NBEAL1: variants seen among roughly 807,000 people sequenced by gnomAD.
The protein encoded by NBEAL1 is neurobeachin-like protein 1.
NBEAL1 carries 273 observed loss-of-function variants against 351.3 expected under a neutral mutation model. The observed-to-expected ratio is 0.78, with a 90% CI of 0.70 to 0.86. NBEAL1 has a LOEUF of 0.86. NBEAL1 is among the 40% of genes least tolerant of loss of function. NBEAL1 has a pLI of 0.00. For missense variants in NBEAL1, 2,961 were observed against 3,201.3 expected, an observed-to-expected ratio of 0.92 and a Z score of 1.81; for synonymous variants, 1,050 against 1,086.4, an observed-to-expected ratio of 0.97 and a Z score of 0.66.
At chr2:203,194,164 T>C (rs2065173272) in intron 47 of NBEAL1, among the ~76,000 whole-genome samples, 1 of 152,164 alleles carries the variant, frequency 6.6e-6, no homozygotes, top group Non-Finnish European at 1.5e-5. Context: ...GAAGAATAAA[T>C]AATTTGACTT....
chr2:203,204,877 C>T (rs990020687), intron 51 of NBEAL1, among the ~76,000 whole-genome samples: 2 of 152,030 alleles, frequency 1.3e-5, no homozygotes, highest in Non-Finnish European at 2.9e-5. Flanking sequence ...TTGCCAAATC[C>T]TCTTATCAAC....
At chr2:203,017,526 C>T (rs953176125) in intron 2 of NBEAL1, among the ~76,000 whole-genome samples, 10 of 151,972 alleles carry the variant, frequency 6.6e-5, no homozygotes, top group African/African-American at 1.7e-4. Flanking sequence ...TAAAAATAGA[C>T]GCTTCCAATA....
rs1357088497 is a variant in NBEAL1, at chr2:203,175,310, A to AT, written c.6464+30dup. The AT allele has an allele frequency of 8.1e-6, 13 of 1,612,146 alleles. No homozygotes were observed. In the East Asian group the frequency reaches 2.7e-4, roughly 33 times the overall value. On this transcript the variant is annotated intron_variant, in intron 42 of 55. Transcript: ENST00000683969. ...AAGGTATGTTTTGAGTAAATAAGCT[A>AT]TTTTTTTATGACTATGTTAGTGTTG...
chr2:203,211,874 T>C (rs532817834), intron 54 of NBEAL1, among the ~76,000 whole-genome samples: 1 of 152,224 alleles, frequency 6.6e-6, no homozygotes, highest in South Asian at 2.1e-4. Context: ...ACTGGAGTAG[T>C]GGATACGTGT....
intron 26 of NBEAL1, among the ~76,000 whole-genome samples, chr2:203,132,445 A>G (rs945631813): frequency 6.6e-6 from 1 of 152,224 alleles, no homozygotes; most frequent in African/African-American, 2.4e-5. Flanking sequence ...AGGCAAATGA[A>G]AACTAATTTC....
chr2:203,191,191 T>C (rs2065072413), intron 46 of NBEAL1: 1 of 1,560,776 alleles, frequency 6.4e-7, no homozygotes, highest in Admixed American at 1.7e-5. Context: ...GACTGCCCAG[T>C]CTGTGGGCTG....
intron 33 of NBEAL1, 76 bp downstream of exon 33, chr2:203,145,236 G>C: frequency 8.0e-7 from 1 of 1,250,312 alleles, no homozygotes; most frequent in Non-Finnish European, 1.1e-6. Flanking sequence ...AGTAATACAG[G>C]CCCCAAACTT....
At chr2:203,149,588 C>A (rs75600502) in intron 34 of NBEAL1, among the ~76,000 whole-genome samples, 1 of 151,940 alleles carries the variant, frequency 6.6e-6, no homozygotes, top group African/African-American at 2.4e-5. Context: ...TAAAATTTAT[C>A]CTTTTAACCA....
At chr2:203,182,240 A>G (rs1421523790) in intron 43 of NBEAL1, 2 of 152,036 alleles carry the variant, frequency 1.3e-5, no homozygotes, top group Non-Finnish European at 2.9e-5. Flanking sequence ...TTTTTTCTGT[A>G]TTTTCACTCT....
At chr2:203,031,010 G>A (rs916236289) in intron 2 of NBEAL1, among the ~76,000 whole-genome samples, 5 of 152,262 alleles carry the variant, frequency 3.3e-5, no homozygotes, top group Non-Finnish European at 4.4e-5. Flanking sequence ...TATATATCAC[G>A]GAATCTGAAA....
chr2:203,213,820 A>G (rs1421190326), intron 55 of NBEAL1, 167 bp downstream of exon 55: 20 of 980,486 alleles, frequency 2.0e-5, no homozygotes, highest in Non-Finnish European at 2.4e-5. Context: ...GTTATTCAAG[A>G]ATCATGTTTA....
intron 55 of NBEAL1, among the ~76,000 whole-genome samples, chr2:203,216,447 T>C (rs561449011): frequency 1.2e-3 from 176 of 152,054 alleles, no homozygotes; most frequent in African/African-American, 4.2e-3. Flanking sequence ...GTTAGCAAAA[T>C]TAAGAATAAT....
chr2:203,110,031 T>A, intron 14 of NBEAL1, 119 bp from the exon 15 acceptor site: 1 of 996,350 alleles, frequency 1.0e-6, no homozygotes. Context: ...GGCAATAGAA[T>A]TTAAGCCACA....
intron 10 of NBEAL1, among the ~76,000 whole-genome samples, chr2:203,088,415 C>A (rs1574951903): frequency 6.6e-6 from 1 of 152,120 alleles, no homozygotes; most frequent in East Asian, 1.9e-4. Flanking sequence ...CAAATAAACC[C>A]CTCAGTGATG....
At chr2:203,142,178 C>T (rs2063399570) in intron 31 of NBEAL1, among the ~76,000 whole-genome samples, 1 of 152,054 alleles carries the variant, frequency 6.6e-6, no homozygotes. Flanking sequence ...GTTTTTGAGA[C>T]AGAGTCTTGC....
At chr2:203,066,644 C>A (rs1206634714) in intron 6 of NBEAL1, among the ~76,000 whole-genome samples, 2 of 152,040 alleles carry the variant, frequency 1.3e-5, no homozygotes, top group Admixed American at 1.3e-4. Context: ...CTGGCAGAGG[C>A]ACTCCTCACT....
chr2:203,085,868 T>C (rs770501754), intron 10 of NBEAL1: 1 of 152,174 alleles, frequency 6.6e-6, no homozygotes, highest in Non-Finnish European at 1.5e-5. Context: ...TGTAAAAATA[T>C]GTATTTCTGT....
chr2:203,056,164 A>AT (rs984014751), intron 4 of NBEAL1, among the ~76,000 whole-genome samples: 3 of 152,164 alleles, frequency 2.0e-5, no homozygotes, highest in African/African-American at 7.2e-5. Context: ...ACTTTGTGAT[A>AT]TTTTCCAATT....
At chr2:203,075,795 T>G (rs994854075) in intron 7 of NBEAL1, among the ~76,000 whole-genome samples, 1 of 152,238 alleles carries the variant, frequency 6.6e-6, no homozygotes, top group Non-Finnish European at 1.5e-5. Flanking sequence ...CTTACTTTGT[T>G]TTCCTTCTTG....
Sources: gnomAD v4.1 joint callset for allele counts (sites outside exome capture counted in the v4.1 genomes callset) on GRCh38, gnomAD v4.1.1 for gene constraint, MANE v1.5 for transcripts, NCBI Gene and HGNC (gene_info 2026-07-23, HGNC 2026-07-21) for gene names.